Variants in RILPL1 observed in about 807,000 individuals in gnomAD.
RILPL1 encodes Rab interacting lysosomal protein like 1.
RILPL1 carries 33 observed loss-of-function variants against 50.3 expected under a neutral mutation model. The ratio of observed to expected loss-of-function variants is 0.66; its 90% CI spans 0.50 to 0.88. RILPL1 has a LOEUF of 0.88. Among genes scored for constraint, RILPL1 ranks in the 40% least tolerant of loss-of-function variants. The probability of loss-of-function intolerance (pLI) is 0.00; values close to 1 mark genes in which losing one functional copy is unlikely to be tolerated. For synonymous variants in RILPL1, 205 were observed against 228.6 expected, an observed-to-expected ratio of 0.90 and a Z score of 0.93; for missense variants, 418 against 542.5, an observed-to-expected ratio of 0.77 and a Z score of 2.28.
intron 1 of RILPL1, among the ~76,000 whole-genome samples, chr12:123,529,047 G>T (rs767039738): frequency 6.6e-6 from 1 of 152,088 alleles, no homozygotes; most frequent in African/African-American, 2.4e-5. Flanking sequence ...CAGCCACACC[G>T]ACTCTGTGTT....
intron 2 of RILPL1, among the ~76,000 whole-genome samples, chr12:123,512,659 GCTGTGTGTGTGTGAGGT>G (rs1357419498): frequency 7.1e-6 from 1 of 140,288 alleles, no homozygotes; most frequent in Non-Finnish European, 1.5e-5. Context: ...TGGTGTGAGA[GCTGTGTGTGTGTGAGGT>G]CTGTGTGTGG....
Position 123,485,051 on chromosome 12 carries a change from C to A in RILPL1, c.974+582G>T. 1 of 434,374 alleles carries A rather than the reference C, an allele frequency of 2.3e-6. No individual in the cohort carries two copies. Among genetic ancestry groups the A allele is most frequent in the South Asian group, 1.6e-5 (1 of 63,582 alleles). 26.9% of individuals were successfully genotyped at this position (434,374 alleles called of 1,614,324 possible). A position where few individuals can be genotyped will look rare whatever the true frequency, so the allele number is the denominator to read the frequency against. Reference sequence around the variant, plus strand: ...TTTTATGCATCTCTTATCTTCCCCACTGGAGCAGGGACCACCTCTGGTGCA... The same window carrying A: ...TTTTATGCATCTCTTATCTTCCCCAATGGAGCAGGGACCACCTCTGGTGCA... On this transcript the variant is annotated intron_variant, in intron 5 of 6. Transcript: ENST00000376874. The surrounding 1 kb of genome is among the most constrained non-coding windows in gnomAD (Gnocchi z 4.0).
At chr12:123,502,318 G>A (rs898856846) in intron 2 of RILPL1, among the ~76,000 whole-genome samples, 1 of 152,208 alleles carries the variant, frequency 6.6e-6, no homozygotes, top group Non-Finnish European at 1.5e-5. Flanking sequence ...CCGGGCAGAC[G>A]TCGTAGCAGA....
chr12:123,480,691 C>G (rs1261196662), intron 6 of RILPL1, among the ~76,000 whole-genome samples: 2 of 151,870 alleles, frequency 1.3e-5, no homozygotes, highest in African/African-American at 2.4e-5. Flanking sequence ...TTAAGCAAAG[C>G]CAGTCCCATT....
In RILPL1 at chr12:123,477,987, C is replaced by CT. The variant is rs56296800; in HGVS notation, c.1068-5306dup. Among the ~76,000 whole-genome samples, 38 of 41,176 alleles carry CT rather than the reference C, an allele frequency of 9.2e-4. 5 individuals carry two copies. The highest frequency in any genetic ancestry group is 3.1e-3 in the African/African-American group (32 of 10,300). 27.0% of individuals were successfully genotyped at this position (41,176 alleles called of 152,430 possible). On this transcript the variant is annotated intron_variant, in intron 6 of 6. Coordinates refer to ENST00000376874, the MANE Select transcript of RILPL1 (RefSeq NM_178314.5). ...TGACTGAGTTACTCCATCTGTATGT[C>CT]TTTTTTTTTTTTTTTTTTTTTTTTT...
At chr12:123,515,543 G>A (rs1378621052) in intron 2 of RILPL1, 1 of 151,550 alleles carries the variant, frequency 6.6e-6, no homozygotes, top group African/African-American at 2.4e-5. Flanking sequence ...TCTGCCTCCT[G>A]GGTTCAAGAG....
Position 123,533,572 on chromosome 12 carries a change from T to A in RILPL1, c.-90A>T. ...AGGGCCGGGCCGGCCGGGCCCAGCC[T>A]GGGCCGCGGGCGGGCGCGCTCAGCG... On this transcript the variant is annotated 5_prime_UTR_variant, in exon 1 of 7. Transcript: ENST00000376874. The surrounding 1 kb of genome is among the most constrained non-coding windows in gnomAD (Gnocchi z 6.2). 1 of 1,121,772 alleles carries A rather than the reference T, an allele frequency of 8.9e-7. No homozygotes were observed. The highest frequency in any genetic ancestry group is 1.1e-6 in the Non-Finnish European group (1 of 886,566). The allele number at this position is 1,121,772 out of a possible 1,614,324, so 69.5% of individuals were successfully genotyped here. A position where few individuals can be genotyped will look rare whatever the true frequency, so the allele number is the denominator to read the frequency against.
intron 2 of RILPL1, among the ~76,000 whole-genome samples, chr12:123,506,154 G>A (rs1476907959): frequency 6.6e-6 from 1 of 152,212 alleles, no homozygotes; most frequent in Non-Finnish European, 1.5e-5. Context: ...CTCAGGGCAG[G>A]GGTCATTTCC....
chr12:123,511,733 G>A (rs1884253929), intron 2 of RILPL1, among the ~76,000 whole-genome samples: 1 of 139,704 alleles, frequency 7.2e-6, no homozygotes, highest in African/African-American at 2.7e-5. Context: ...GTTTGTGTGT[G>A]TGGTGTGTGT....
At chr12:123,530,816 G>A (rs1049567577) in intron 1 of RILPL1, among the ~76,000 whole-genome samples, 1 of 152,198 alleles carries the variant, frequency 6.6e-6, no homozygotes, top group African/African-American at 2.4e-5. Flanking sequence ...CACTGTGCTC[G>A]CTATGGCCTG....
chr12:123,491,911 G>A lies in RILPL1; in HGVS notation c.802-6106C>T, dbSNP rs1445988887. 6.6e-6 allele frequency among the ~76,000 whole-genome samples: 1 copy of A among 152,062 alleles called. No homozygotes were observed. The highest frequency in any genetic ancestry group is 1.5e-5 in the Non-Finnish European group (1 of 68,028). ...AATCCCAGCTACTCGGGAGGCTGAG[G>A]CACAAGAATTGCTTGAACCCAGGAG... is the stretch of plus-strand genomic sequence containing the variant. On this transcript the variant is annotated intron_variant, in intron 4 of 6. Coordinates refer to ENST00000376874, the MANE Select transcript of RILPL1 (RefSeq NM_178314.5). The surrounding 1 kb of genome is among the most constrained non-coding windows in gnomAD (Gnocchi z 4.0).
At position 123,498,341 on chromosome 12, in the gene RILPL1, AGG is replaced by A. The variant is rs1883162690; in HGVS notation, c.801+201_801+202del. On this transcript the variant is annotated intron_variant, in intron 4 of 6. Coordinates refer to ENST00000376874, the MANE Select transcript of RILPL1 (RefSeq NM_178314.5). The surrounding 1 kb of genome is among the most constrained non-coding windows in gnomAD (Gnocchi z 4.3). ...AGTGATCCTCCTGCCTAAGCCTCCC[AGG>A]CAGGCAGCTGGTACTACAGGTGTGC... Among the ~76,000 whole-genome samples the A allele has an allele frequency of 2.1e-5, 1 of 48,766 alleles. No individual in the cohort carries two copies. The highest frequency in any genetic ancestry group is 1.8e-4 in the African/African-American group (1 of 5,474). The allele number at this position is 48,766 out of a possible 152,430, so 32.0% of individuals were successfully genotyped here. A position where few individuals can be genotyped will look rare whatever the true frequency, so the allele number is the denominator to read the frequency against.
intron 6 of RILPL1, among the ~76,000 whole-genome samples, chr12:123,483,391 A>C (rs1488667855): frequency 6.6e-6 from 1 of 152,100 alleles, no homozygotes; most frequent in Non-Finnish European, 1.5e-5. Flanking sequence ...ACCCCACAAC[A>C]CCATGCTGAG....
intron 4 of RILPL1, among the ~76,000 whole-genome samples, chr12:123,490,276 AG>A (rs1882607746): frequency 6.6e-6 from 1 of 152,114 alleles, no homozygotes; most frequent in African/African-American, 2.4e-5. Flanking sequence ...ACCTCTCGAG[AG>A]GCCTCTGGGC....
intron 6 of RILPL1, chr12:123,473,702 A>G (rs1881373376): frequency 6.6e-6 from 1 of 152,028 alleles, no homozygotes; most frequent in Non-Finnish European, 1.5e-5. Flanking sequence ...AGGTAGACAG[A>G]GGTCTTTTTA....
intron 2 of RILPL1, among the ~76,000 whole-genome samples, chr12:123,510,365 G>GGTGT (rs563988101): frequency 1.3e-5 from 2 of 150,926 alleles, no homozygotes; most frequent in Non-Finnish European, 3.0e-5. Flanking sequence ...TGGGGGGTGT[G>GGTGT]GTGTGTGTGT....
chr12:123,517,501 T>A (rs56798027), intron 2 of RILPL1, among the ~76,000 whole-genome samples: 11,510 of 150,280 alleles, frequency 0.077, 1,405 homozygotes, highest in African/African-American at 0.26. Flanking sequence ...GGCTCACTGC[T>A]ACCTCCGCTT....
In RILPL1 at chr12:123,533,377, G is replaced by A; in HGVS notation, c.106C>T (p.His36Tyr). 1 of 1,567,330 alleles carries A rather than the reference G, an allele frequency of 6.4e-7. No individual in the cohort carries two copies. The highest frequency in any genetic ancestry group is 8.6e-7 in the Non-Finnish European group (1 of 1,157,868). The change falls in exon 1 of 7, where the codon CAC becomes TAC. Residue 36 changes from histidine to tyrosine, a missense_variant. His to Tyr is a moderately conservative substitution (Grantham distance 83). Coordinates refer to ENST00000376874, the MANE Select transcript of RILPL1 (RefSeq NM_178314.5). The surrounding 1 kb of genome is among the most constrained non-coding windows in gnomAD (Gnocchi z 6.2). ...DVYDIASLVG[H>Y]EFERVIDQHG... ...TGGTCAATGACCCGCTCGAACTCGT[G>A]GCCCACAAGCGACGCGATGTCGTAC...
chr12:123,501,528 G>A (rs895952232), intron 2 of RILPL1, among the ~76,000 whole-genome samples: 23 of 152,084 alleles, frequency 1.5e-4, no homozygotes, highest in Non-Finnish European at 3.1e-4. Context: ...TTGGGAAGCC[G>A]AGGTGGGCGG....
Sources: gnomAD v4.1 joint callset for allele counts (sites outside exome capture counted in the v4.1 genomes callset) on GRCh38, gnomAD v4.1.1 for gene constraint, Gnocchi (gnomAD v3.1) non-coding constraint, MANE v1.5 for transcripts, NCBI Gene and HGNC (gene_info 2026-07-23, HGNC 2026-07-21) for gene names.